The following MRM3 variants were observed in gnomAD, a reference collection of about 807,000 sequenced individuals.
MRM3 encodes rRNA methyltransferase 3, mitochondrial.
A neutral mutation model predicts 29.4 loss-of-function variants in MRM3; 26 were observed. The ratio of observed to expected loss-of-function variants is 0.89; its 90% CI spans 0.65 to 1.23. The LOEUF (loss-of-function observed/expected upper bound fraction) is 1.23, where lower values mean the gene tolerates loss of function less well. Among genes scored for constraint, MRM3 ranks in the 50% most tolerant of loss-of-function variants. The pLI is 0.00. For missense variants in MRM3, 578 were observed against 540.2 expected (o/e 1.07, Z -0.69); for synonymous variants, 225 against 219.0 (o/e 1.03, Z -0.24).
In MRM3 at chr17:782,818, G is replaced by C. The variant is rs913470714; in HGVS notation, c.314+126G>C. The C allele has an allele frequency of 3.8e-6, 4 of 1,047,458 alleles. No homozygotes were observed. In the African/African-American group the frequency reaches 4.8e-5, roughly 13 times the overall value. 64.9% of individuals were successfully genotyped at this position (1,047,458 alleles called of 1,614,324 possible). ...CGCTGGTTTTTGTATTATGCACAGA[G>C]GGCCGAATAAGCGTCTTTGGAATTA... is the stretch of plus-strand genomic sequence containing the variant. On this transcript the variant is annotated intron_variant, in intron 1 of 3. Transcript: ENST00000304478.
At chr17:789,655 A>T (rs920553196) in intron 3 of MRM3, 14 of 152,170 alleles carry the variant, frequency 9.2e-5, no homozygotes, top group Admixed American at 9.2e-4. Flanking sequence ...GCCTTGCTAG[A>T]ATACGTTTCT....
chr17:791,640 GC>G lies in MRM3; in HGVS notation c.839del (p.Pro280LeufsTer34), dbSNP rs761338162. On this transcript the variant is annotated frameshift_variant, in exon 4 of 4. Coordinates refer to ENST00000304478, the MANE Select transcript of MRM3 (RefSeq NM_018146.4). LOFTEE classifies it high-confidence loss of function. Reference sequence around the variant, plus strand: ...AATGGGAAACCGTGCCCAATTACCTGCCCCCTGACACTCGGGTCTATGTGGC... The same window carrying G: ...AATGGGAAACCGTGCCCAATTACCTGCCCCTGACACTCGGGTCTATGTGGC... ...LEWETVPNYL[P>X]PDTRVYVADN... The G allele has an allele frequency of 1.2e-6, 2 of 1,614,204 alleles. No individual in the cohort carries two copies. The highest frequency in any genetic ancestry group is 1.7e-6 in the Non-Finnish European group (2 of 1,180,040).
chr17:782,502 T>C lies in MRM3; in HGVS notation c.124T>C (p.Phe42Leu), dbSNP rs1910165886. 1.2e-6 allele frequency: 2 copies of C among 1,613,390 alleles called. No individual in the cohort carries two copies. The highest frequency in any genetic ancestry group is 8.5e-7 in the Non-Finnish European group (1 of 1,179,532). The part of the protein sequence containing the change: ...ALRRSPVKVV[F>L]PSGEVVEQKR... ...GCGGCGGAGCCCAGTGAAAGTGGTG[T>C]TTCCTTCCGGAGAGGTGGTGGAACA... Residue 42 changes from phenylalanine (F) to leucine (L), a missense_variant, in exon 1 of 4, where the codon TTT becomes CTT. Phe to Leu is a conservative substitution (Grantham distance 22). Coordinates refer to ENST00000304478, the MANE Select transcript of MRM3 (RefSeq NM_018146.4).
rs549153654 is a variant in MRM3, at chr17:786,949, C to A, written c.560-1016C>A. 1.1e-4 allele frequency among the ~76,000 whole-genome samples: 17 copies of A among 152,154 alleles called. No individual in the cohort carries two copies. In the East Asian group the frequency reaches 3.3e-3, roughly 29 times the overall value. ...CTAAATGAACTGTGGTACATTCATA[C>A]TACAAAATAGAGGCTGGGCATGGTG... On this transcript the variant is annotated intron_variant, in intron 2 of 3. Transcript: ENST00000304478.
In MRM3 at chr17:788,894, C is replaced by G. The variant is rs111256793; in HGVS notation, c.727+762C>G. ...AACTGGGAGGAATAACAGAATCTCC[C>G]TGGTCACTGTGAGGATTAAGTGAGA... On this transcript the variant is annotated intron_variant, in intron 3 of 3. Transcript: ENST00000304478. Among the ~76,000 whole-genome samples the G allele has an allele frequency of 2.5e-3, 374 of 152,372 alleles. 2 individuals carry two copies. The highest frequency in any genetic ancestry group is 8.4e-3 in the African/African-American group (351 of 41,596).
Position 782,485 on chromosome 17 carries a change from G to A in MRM3, c.107G>A (p.Ser36Asn). The change falls in exon 1 of 4, where the codon AGC (serine) becomes AAC (asparagine). Residue 36 changes from serine to asparagine, a missense_variant. Coordinates refer to ENST00000304478, the MANE Select transcript of MRM3 (RefSeq NM_018146.4). ...ARRWVRALRR[S>N]PVKVVFPSGE... ...CGCTGGGTCCGGGCGCTGCGGCGGA[G>A]CCCAGTGAAAGTGGTGTTTCCTTCC... 6.2e-7 allele frequency: 1 copy of A among 1,613,790 alleles called. No homozygotes were observed. The highest frequency in any genetic ancestry group is 8.5e-7 in the Non-Finnish European group (1 of 1,179,752).
Position 787,008 on chromosome 17 carries a change from C to T in MRM3, c.560-957C>T, listed in dbSNP as rs975755457. Among the ~76,000 whole-genome samples, 3 of 152,088 alleles carry T rather than the reference C, an allele frequency of 2.0e-5. No homozygotes were observed. The highest frequency in any genetic ancestry group is 4.2e-4 in the South Asian group (2 of 4,812). ...CTGTAATCCCAGCACTTTGGGAGGC[C>T]GAGGAGGGTGGATCACCTGAGGTCA... On this transcript the variant is annotated intron_variant, in intron 2 of 3. Coordinates refer to ENST00000304478, the MANE Select transcript of MRM3 (RefSeq NM_018146.4). This position sits in a 1 kb window ranked among gnomAD's most constrained non-coding sequence, Gnocchi z 4.1.
At position 783,372 on chromosome 17, in the gene MRM3, T is replaced by C. The variant is rs774277438; in HGVS notation, c.559+45T>C. ...ATCTTTTTTTTTTTTTGTCTTGTTC[T>C]GTCACCCAGGCTGGAGTGCAATGGC... is the stretch of plus-strand genomic sequence containing the variant. On this transcript the variant is annotated intron_variant, in intron 2 of 3. Coordinates refer to ENST00000304478, the MANE Select transcript of MRM3 (RefSeq NM_018146.4). 10 of 1,535,952 alleles carry C rather than the reference T, an allele frequency of 6.5e-6. No individual in the cohort carries two copies. In the South Asian group the frequency reaches 1.1e-4, roughly 17 times the overall value.
chr17:782,980 G>T (rs1910238279), intron 1 of MRM3, 103 bp from the exon 2 acceptor site: 3 of 1,480,236 alleles, frequency 2.0e-6, no homozygotes, highest in Admixed American at 2.2e-5. Flanking sequence ...GAGCCACCGC[G>T]CCCGGCCCTC....
intron 2 of MRM3, among the ~76,000 whole-genome samples, chr17:785,946 AT>A (rs1318346324): frequency 6.6e-6 from 1 of 152,254 alleles, no homozygotes; most frequent in Non-Finnish European, 1.5e-5. Flanking sequence ...ACTGAAGAAG[AT>A]CGCAGTCAGT....
Position 792,173 on chromosome 17 carries a change from A to T in MRM3, c.*104A>T. On this transcript the variant is annotated 3_prime_UTR_variant, in exon 4 of 4. Coordinates refer to ENST00000304478, the MANE Select transcript of MRM3 (RefSeq NM_018146.4). The stretch of plus-strand genomic sequence containing the variant: ...AGTGACTATGGCCCCCACGTTCAGG[A>T]GGAAGGTGTGATGCCGTCATACAGT... The T allele has an allele frequency of 8.5e-7, 1 of 1,182,394 alleles. No individual in the cohort carries two copies. The highest frequency in any genetic ancestry group is 1.2e-6 in the Non-Finnish European group (1 of 839,636). The allele number at this position is 1,182,394 out of a possible 1,614,324, so 73.2% of individuals were successfully genotyped here. A position where few individuals can be genotyped will look rare whatever the true frequency, so the allele number is the denominator to read the frequency against.
intron 2 of MRM3, among the ~76,000 whole-genome samples, chr17:786,736 G>A (rs982638752): frequency 6.6e-6 from 1 of 152,162 alleles, no homozygotes; most frequent in African/African-American, 2.4e-5. Flanking sequence ...AGTTCCTGAT[G>A]TGAATAAACT....
At chr17:791,481 C>G in intron 3 of MRM3, 53 bp from the exon 4 acceptor site, 8 of 1,563,966 alleles carry the variant, frequency 5.1e-6, no homozygotes, top group Non-Finnish European at 6.9e-6. Context: ...CTCCACAGTC[C>G]CCTGGTCTGG....
At position 792,093 on chromosome 17, in the gene MRM3, G is replaced by C; in HGVS notation, c.*24G>C. The C allele has an allele frequency of 6.4e-7, 1 of 1,558,022 alleles. No individual in the cohort carries two copies. The highest frequency in any genetic ancestry group is 1.2e-5 in the South Asian group (1 of 82,138). On this transcript the variant is annotated 3_prime_UTR_variant, in exon 4 of 4. Coordinates refer to ENST00000304478, the MANE Select transcript of MRM3 (RefSeq NM_018146.4). The stretch of plus-strand genomic sequence containing the variant: ...GAGGACGCAGAAGTGACTTCTGCTT[G>C]AGGACGTCTGCAGCTCCTCCTACAC...
chr17:788,940 A>T (rs758497435), intron 3 of MRM3, among the ~76,000 whole-genome samples: 1 of 152,216 alleles, frequency 6.6e-6, no homozygotes, highest in Non-Finnish European at 1.5e-5. Context: ...AAGTTACTTC[A>T]TACCTTACCT....
chr17:787,316 G>A lies in MRM3; in HGVS notation c.560-649G>A, dbSNP rs1475087801. ...AGCTTCAAACATATTGACATGGTAAGTTCAAGATATATTGTTGCGTAAATA... is the reference window on the plus strand; with the variant it reads ...AGCTTCAAACATATTGACATGGTAAATTCAAGATATATTGTTGCGTAAATA... On this transcript the variant is annotated intron_variant, in intron 2 of 3. Coordinates refer to ENST00000304478, the MANE Select transcript of MRM3 (RefSeq NM_018146.4). The surrounding 1 kb of genome is among the most constrained non-coding windows in gnomAD (Gnocchi z 4.1). Among the ~76,000 whole-genome samples the A allele has an allele frequency of 6.6e-6, 1 of 152,150 alleles. No homozygotes were observed. Among genetic ancestry groups the A allele is most frequent in the Admixed American group, 6.5e-5 (1 of 15,274 alleles).
At chr17:789,327 G>A (rs1468919711) in intron 3 of MRM3, among the ~76,000 whole-genome samples, 1 of 152,234 alleles carries the variant, frequency 6.6e-6, no homozygotes, top group African/African-American at 2.4e-5. Flanking sequence ...GACGTCAGCA[G>A]CTCTGAATCC....
At chr17:786,795 TTCAC>T in intron 2 of MRM3, among the ~76,000 whole-genome samples, 1 of 152,286 alleles carries the variant, frequency 6.6e-6, no homozygotes, top group East Asian at 1.9e-4. Flanking sequence ...ATTTGTCCAT[TTCAC>T]TCACAGGTAT....
chr17:782,945 C>T, intron 1 of MRM3, 138 bp from the exon 2 acceptor site: 2 of 1,293,264 alleles, frequency 1.5e-6, no homozygotes, highest in South Asian at 1.5e-5. Flanking sequence ...GCCTCGGCCT[C>T]CCAATGTGCT....
Sources: allele counts gnomAD v4.1 joint callset (sites outside exome capture counted in the v4.1 genomes callset), GRCh38; gene constraint gnomAD v4.1.1; non-coding constraint Gnocchi (gnomAD v3.1); transcripts MANE v1.5; gene names NCBI Gene and HGNC (gene_info 2026-07-23, HGNC 2026-07-21).